The following BDP1 variants were observed in gnomAD, a reference collection of about 807,000 sequenced individuals.
BDP1 encodes transcription factor TFIIIB component B'' homolog.
BDP1 carries 169 observed loss-of-function variants against 266.6 expected under a neutral mutation model. The ratio of observed to expected loss-of-function variants is 0.63; its 90% CI spans 0.56 to 0.72. The LOEUF is 0.72. Ranked by LOEUF, BDP1 falls within the 30% of genes least tolerant of loss-of-function variation. The probability of loss-of-function intolerance (pLI) is 0.00; values close to 1 mark genes in which losing one functional copy is unlikely to be tolerated. For synonymous variants in BDP1, 1,090 were observed against 1,022.4 expected, an observed-to-expected ratio of 1.07 and a Z score of -1.26; for missense variants, 3,015 against 3,053.8, an observed-to-expected ratio of 0.99 and a Z score of 0.30.
chr5:71,483,752 C>G (rs1227054754), intron 7 of BDP1, 90 bp from the exon 8 acceptor site: 1 of 919,770 alleles, frequency 1.1e-6, no homozygotes, highest in African/African-American at 1.7e-5. Flanking sequence ...TATGTTATTC[C>G]TAAGAGTTTC....
intron 15 of BDP1, among the ~76,000 whole-genome samples, chr5:71,503,218 C>T (rs1458827672): frequency 3.9e-5 from 6 of 152,148 alleles, no homozygotes; most frequent in Non-Finnish European, 8.8e-5. Flanking sequence ...AACTCCTGAC[C>T]TCAGGTGATC....
At chr5:71,460,741 G>C (rs922418087) in intron 2 of BDP1, among the ~76,000 whole-genome samples, 1 of 151,826 alleles carries the variant, frequency 6.6e-6, no homozygotes, top group East Asian at 1.9e-4. Flanking sequence ...AATTGGGGGT[G>C]GGGGGATTAA....
chr5:71,542,518 TTCTC>T (rs1189674336), intron 30 of BDP1, among the ~76,000 whole-genome samples: 1 of 151,894 alleles, frequency 6.6e-6, no homozygotes, highest in Admixed American at 6.6e-5. Context: ...CTTTCTCTCA[TTCTC>T]TCTCTCTCAT....
At chr5:71,486,683 A>G (rs926000942) in intron 9 of BDP1, 56 bp downstream of exon 9, 1 of 1,390,672 alleles carries the variant, frequency 7.2e-7, no homozygotes, top group Non-Finnish European at 9.5e-7. Flanking sequence ...AACTTGCAAT[A>G]TTGTCCCTCA....
chr5:71,507,845 T>C (rs1402096610), intron 16 of BDP1, among the ~76,000 whole-genome samples: 1 of 152,262 alleles, frequency 6.6e-6, no homozygotes, highest in Non-Finnish European at 1.5e-5. Context: ...AAAGCAATCT[T>C]ATTCCTAAGG....
intron 21 of BDP1, among the ~76,000 whole-genome samples, chr5:71,516,780 A>T (rs1479925212): frequency 4.6e-5 from 7 of 152,142 alleles, no homozygotes; most frequent in African/African-American, 9.7e-5. Flanking sequence ...TTAGGGAAAA[A>T]GTCTAAGTAG....
rs540301756 is a variant in BDP1 at position 71,502,629 on chromosome 5, G to T, written c.2079G>T (p.Gly693=). 4 of 1,606,480 alleles carry T rather than the reference G, an allele frequency of 2.5e-6. No individual in the cohort carries two copies. In the South Asian group the frequency reaches 4.5e-5, roughly 18 times the overall value. The change falls in exon 15 of 39, where the codon GGG becomes GGT. Residue 693 remains glycine, a synonymous_variant. Coordinates refer to ENST00000358731, the MANE Select transcript of BDP1 (RefSeq NM_018429.3). ...GTGAAAAAAATTGTCTGCAGGAAGG[G>T]AGTCAACTAAAGGCTTTAAGACCTG... ...VLGEKNCLQE[G]SQLKALRPVQ...
At position 71,542,562 on chromosome 5, in the gene BDP1, TCCC is replaced by T. The variant is rs887243719; in HGVS notation, c.6412+299_6412+301del. Among the ~76,000 whole-genome samples the T allele has an allele frequency of 1.8e-4, 28 of 152,074 alleles. 1 individual carries two copies. Among genetic ancestry groups the T allele is most frequent in the Non-Finnish European group, 3.8e-4 (26 of 68,016 alleles). Reference sequence around the variant, plus strand: ...GACCCTTGAACTAGGGGCACTGACCTCCCCATTCAGTCAGAAATTTGTGTATAG... The same window carrying T: ...GACCCTTGAACTAGGGGCACTGACCTCATTCAGTCAGAAATTTGTGTATAG... On this transcript the variant is annotated intron_variant, in intron 30 of 38. Transcript: ENST00000358731.
intron 29 of BDP1, among the ~76,000 whole-genome samples, 175 bp from the exon 30 acceptor site, chr5:71,541,929 CT>C: frequency 6.6e-6 from 1 of 152,280 alleles, no homozygotes. Flanking sequence ...ACTAAATTCT[CT>C]TCTTAAGACC....
chr5:71,524,205 A>C lies in BDP1; in HGVS notation c.5654A>C (p.Tyr1885Ser). Residue 1885 changes from tyrosine to serine, a missense_variant, in exon 25 of 39, where the codon TAT (tyrosine) becomes TCT (serine). This residue lies in a region of BDP1 where 2,383 missense variants were observed against 2,404.9 expected (regional missense o/e 0.99). Coordinates refer to ENST00000358731, the MANE Select transcript of BDP1 (RefSeq NM_018429.3). ...DDDADDFESD[Y>S]EEESYHLAPE... The stretch of plus-strand genomic sequence containing the variant: ...GATGCTGACGATTTTGAGTCTGACT[A>C]TGAGGAAGAAAGCTATCATCTTGCT... The C allele has an allele frequency of 6.2e-7, 1 of 1,614,226 alleles. No homozygotes were observed. Among genetic ancestry groups the C allele is most frequent in the Non-Finnish European group, 8.5e-7 (1 of 1,180,046 alleles).
intron 17 of BDP1, among the ~76,000 whole-genome samples, chr5:71,511,972 ATCT>A (rs1479426331): frequency 6.7e-6 from 1 of 149,146 alleles, no homozygotes; most frequent in African/African-American, 2.4e-5. Flanking sequence ...GAAGTTCATG[ATCT>A]TCTAACATTT....
At chr5:71,495,443 AT>A (rs1225414719) in intron 12 of BDP1, 35 bp downstream of exon 12, 5 of 1,444,876 alleles carry the variant, frequency 3.5e-6, no homozygotes, top group Non-Finnish European at 4.7e-6. Flanking sequence ...TATTTATAAA[AT>A]TTTGATAAGG....
At chr5:71,505,850 G>T (rs1680261523) in intron 16 of BDP1, among the ~76,000 whole-genome samples, 1 of 152,196 alleles carries the variant, frequency 6.6e-6, no homozygotes, top group Non-Finnish European at 1.5e-5. Flanking sequence ...AACAAAGTGA[G>T]ACAGACTCCT....
At chr5:71,518,835 C>CT (rs35834219) in intron 22 of BDP1, among the ~76,000 whole-genome samples, 58,926 of 128,454 alleles carry the variant, frequency 0.46, 13,658 homozygotes, top group South Asian at 0.54. Context: ...GTATGGATTA[C>CT]TTTTTTTTTT....
chr5:71,542,043 G>T, intron 29 of BDP1, 62 bp from the exon 30 acceptor site: 1 of 1,361,244 alleles, frequency 7.3e-7, no homozygotes, highest in South Asian at 1.3e-5. Context: ...TAGACAGACT[G>T]TATTAATGTG....
At chr5:71,464,468 C>G (rs2150353349) in intron 4 of BDP1, among the ~76,000 whole-genome samples, 1 of 152,142 alleles carries the variant, frequency 6.6e-6, no homozygotes, top group East Asian at 1.9e-4. Flanking sequence ...GCATTCCAGC[C>G]TGGGTGACAG....
At position 71,497,296 on chromosome 5, in the gene BDP1, A is replaced by C. The variant is rs1323823188; in HGVS notation, c.1826A>C (p.Lys609Thr). The change falls in exon 13 of 39, where the codon AAA (lysine) becomes ACA (threonine). Residue 609 changes from lysine to threonine, a missense_variant. Coordinates refer to ENST00000358731, the MANE Select transcript of BDP1 (RefSeq NM_018429.3). The part of the protein sequence containing the change: ...SLEIDQTENV[K>T]PMLRGRFQRP... The stretch of plus-strand genomic sequence containing the variant: ...GAAATTGATCAAACAGAAAATGTTA[A>C]ACCAATGTTGAGAGGTCGCTTCCAA... The C allele has an allele frequency of 6.2e-7, 1 of 1,613,612 alleles. No individual in the cohort carries two copies. The highest frequency in any genetic ancestry group is 8.5e-7 in the Non-Finnish European group (1 of 1,179,828).
chr5:71,470,588 C>CTTTT, intron 7 of BDP1, 99 bp downstream of exon 7: 3 of 605,750 alleles, frequency 5.0e-6, no homozygotes, highest in Admixed American at 3.9e-5. Flanking sequence ...CTTAGTTCAT[C>CTTTT]TTTTTTTTTT....
At chr5:71,557,139 G>A (rs936691368) in intron 36 of BDP1, among the ~76,000 whole-genome samples, 1 of 152,180 alleles carries the variant, frequency 6.6e-6, no homozygotes, top group African/African-American at 2.4e-5. Context: ...TGAAGACTAT[G>A]TGGCTACAAG....
Sources: gnomAD v4.1 joint callset for allele counts (sites outside exome capture counted in the v4.1 genomes callset) on GRCh38, gnomAD v4.1.1 for gene constraint, gnomAD v4.1.1 regional missense constraint, MANE v1.5 for transcripts, NCBI Gene and HGNC (gene_info 2026-07-23, HGNC 2026-07-21) for gene names.